Variants in TBC1D22A observed in about 807,000 individuals in gnomAD.
TBC1D22A encodes TBC1 domain family member 22A.
In TBC1D22A, 38 loss-of-function variants were observed where a neutral mutation model predicts 60.2. That is an observed-to-expected ratio of 0.63 (90% CI 0.49 to 0.83). The LOEUF (loss-of-function observed/expected upper bound fraction) is 0.83. Among genes scored for constraint, TBC1D22A ranks in the 40% least tolerant of loss-of-function variants. The pLI, the probability that TBC1D22A is intolerant of heterozygous loss-of-function variation, is 0.00. For missense variants in TBC1D22A, 628 were observed against 701.0 expected, an observed-to-expected ratio of 0.90 and a Z score of 1.18; for synonymous variants, 302 against 281.7, an observed-to-expected ratio of 1.07 and a Z score of -0.72.
intron 12 of TBC1D22A, among the ~76,000 whole-genome samples, chr22:47,133,764 G>A (rs552688160): frequency 4.2e-4 from 64 of 152,308 alleles, no homozygotes; most frequent in African/African-American, 1.2e-3. Flanking sequence ...CTGTGCCTGC[G>A]CGAGGCAGCT....
At chr22:46,915,626 A>G (rs578052357) in intron 8 of TBC1D22A, 7 of 456,672 alleles carry the variant, frequency 1.5e-5, no homozygotes, top group African/African-American at 1.2e-4. Context: ...ATAGCATCCC[A>G]GTTAATCAAA....
At chr22:46,845,307 CA>C (rs962062303) in intron 4 of TBC1D22A, among the ~76,000 whole-genome samples, 1 of 152,192 alleles carries the variant, frequency 6.6e-6, no homozygotes, top group Non-Finnish European at 1.5e-5. Flanking sequence ...ACGTTATTTT[CA>C]GTCTTCTACA....
At chr22:46,867,172 C>T (rs1418935457) in intron 4 of TBC1D22A, among the ~76,000 whole-genome samples, 2 of 152,222 alleles carry the variant, frequency 1.3e-5, no homozygotes, top group South Asian at 2.1e-4. Flanking sequence ...GATATCAAAA[C>T]ACTTTCTTGG....
intron 12 of TBC1D22A, among the ~76,000 whole-genome samples, chr22:47,168,716 G>A (rs907474646): frequency 8.3e-5 from 12 of 144,656 alleles, no homozygotes; most frequent in African/African-American, 2.8e-4. Context: ...GGAGCCTGGG[G>A]CCCTAGGACA....
At chr22:46,924,553 C>T (rs539891673) in intron 8 of TBC1D22A, among the ~76,000 whole-genome samples, 3 of 152,146 alleles carry the variant, frequency 2.0e-5, no homozygotes, top group Admixed American at 1.3e-4. Context: ...GAGACCAGCC[C>T]GACCAACGTG....
At chr22:46,926,351 G>C (rs2071047991) in intron 8 of TBC1D22A, among the ~76,000 whole-genome samples, 1 of 151,934 alleles carries the variant, frequency 6.6e-6, no homozygotes, top group Non-Finnish European at 1.5e-5. Context: ...ACTGACCAGA[G>C]AGAGAGAGAA....
chr22:46,895,001 T>C (rs547098530), intron 7 of TBC1D22A, among the ~76,000 whole-genome samples, 155 bp downstream of exon 7: 1 of 152,368 alleles, frequency 6.6e-6, no homozygotes, highest in South Asian at 2.1e-4. Flanking sequence ...ACACAGTTGC[T>C]GACAGGACTT....
At chr22:47,045,293 C>T (rs4479) in intron 11 of TBC1D22A, among the ~76,000 whole-genome samples, 107,228 of 152,000 alleles carry the variant, frequency 0.71, 38,326 homozygotes, top group East Asian at 0.92. Context: ...TGCAGAGCCA[C>T]GGTCACGGCT....
intron 1 of TBC1D22A, among the ~76,000 whole-genome samples, chr22:46,770,620 A>G (rs1049641061): frequency 3.9e-5 from 6 of 152,178 alleles, no homozygotes; most frequent in African/African-American, 1.2e-4. Flanking sequence ...TAACCTCCAC[A>G]AAGTGTGTTT....
chr22:46,840,675 G>A (rs1026553870), intron 4 of TBC1D22A, among the ~76,000 whole-genome samples: 3 of 151,974 alleles, frequency 2.0e-5, no homozygotes, highest in Non-Finnish European at 4.4e-5. Flanking sequence ...GGAGGTTGCA[G>A]TGAGCCGAGA....
intron 11 of TBC1D22A, among the ~76,000 whole-genome samples, chr22:47,058,233 G>A (rs114827231): frequency 6.6e-6 from 1 of 152,166 alleles, no homozygotes; most frequent in Admixed American, 6.5e-5. Context: ...CTCAAAGGTG[G>A]CTCTGAGGGG....
intron 4 of TBC1D22A, among the ~76,000 whole-genome samples, chr22:46,856,640 G>T (rs564852383): frequency 1.3e-5 from 2 of 152,286 alleles, no homozygotes; most frequent in East Asian, 1.9e-4. Flanking sequence ...AAGAGTGGGG[G>T]TGGGGGCTGG....
chr22:46,768,467 A>G (rs1036867352), intron 1 of TBC1D22A, among the ~76,000 whole-genome samples: 5 of 144,198 alleles, frequency 3.5e-5, no homozygotes, highest in Non-Finnish European at 7.6e-5. Context: ...CCTGGGCAAC[A>G]GAGCGAGACT....
At chr22:46,798,397 G>A (rs1393051391) in intron 4 of TBC1D22A, among the ~76,000 whole-genome samples, 1 of 152,244 alleles carries the variant, frequency 6.6e-6, no homozygotes, top group Non-Finnish European at 1.5e-5. Flanking sequence ...AGCCCTGCAA[G>A]GGGGCAGGGG....
intron 5 of TBC1D22A, among the ~76,000 whole-genome samples, chr22:46,889,003 CA>C (rs1352320870): frequency 2.0e-5 from 3 of 152,044 alleles, no homozygotes; most frequent in African/African-American, 7.2e-5. Context: ...CGCGTCTGTC[CA>C]AAAATCTTTT....
At chr22:47,034,120 T>G (rs996823704) in intron 10 of TBC1D22A, among the ~76,000 whole-genome samples, 6 of 138,810 alleles carry the variant, frequency 4.3e-5, no homozygotes, top group Non-Finnish European at 8.9e-5. Context: ...GTAGTGAAAT[T>G]AGTTTTATTT....
chr22:47,072,436 T>TGCATTTG (rs2064034947), intron 11 of TBC1D22A, among the ~76,000 whole-genome samples: 1 of 152,382 alleles, frequency 6.6e-6, no homozygotes, highest in Non-Finnish European at 1.5e-5. Context: ...TGCCTGGGCC[T>TGCATTTG]GCATTTGGCA....
intron 4 of TBC1D22A, among the ~76,000 whole-genome samples, chr22:46,819,363 G>A (rs938392941): frequency 1.3e-5 from 2 of 152,198 alleles, no homozygotes; most frequent in African/African-American, 4.8e-5. Flanking sequence ...GATATTGGCT[G>A]TGGGTTCATC....
At chr22:46,980,969 G>A (rs1473802246) in intron 9 of TBC1D22A, among the ~76,000 whole-genome samples, 1 of 152,216 alleles carries the variant, frequency 6.6e-6, no homozygotes, top group East Asian at 1.9e-4. Flanking sequence ...ACAGAATCCA[G>A]CTATATGCTA....
Sources: allele counts gnomAD v4.1 joint callset (sites outside exome capture counted in the v4.1 genomes callset), GRCh38; gene constraint gnomAD v4.1.1; transcripts MANE v1.5; gene names NCBI Gene and HGNC (gene_info 2026-07-23, HGNC 2026-07-21).